Variants in SLIT2 observed in about 807,000 individuals in gnomAD.
SLIT2 encodes slit guidance ligand 2, also known as slit homolog 2 protein.
Under a neutral mutation model 185.7 loss-of-function variants are expected in SLIT2, and 41 were observed. The observed-to-expected ratio is 0.22, with a 90% CI of 0.17 to 0.29. SLIT2 has a LOEUF of 0.29. SLIT2 is among the 10% of genes least tolerant of loss of function. SLIT2 has a pLI of 1.00. For synonymous variants in SLIT2, 693 were observed against 680.2 expected, an observed-to-expected ratio of 1.02 and a Z score of -0.29; for missense variants, 1,571 against 1,909.0, an observed-to-expected ratio of 0.82 and a Z score of 3.30.
intron 4 of SLIT2, among the ~76,000 whole-genome samples, chr4:20,452,272 A>ATACTTGTT (rs1335192220): frequency 6.6e-6 from 1 of 152,174 alleles, no homozygotes; most frequent in Non-Finnish European, 1.5e-5. Flanking sequence ...GCATCTCCCT[A>ATACTTGTT]TACTTGTTAA....
rs369113541 is a variant in SLIT2, at chr4:20,253,784, A to T, written c.-32A>T. On this transcript the variant is annotated 5_prime_UTR_variant, in exon 1 of 37. Transcript: ENST00000504154. The stretch of plus-strand genomic sequence containing the variant: ...GAGCAGCAAGCTAAAGAAAGCCCCC[A>T]GTGCCGGCGAGGAAGGAGGCGGCGG... The T allele has an allele frequency of 6.3e-7, 1 of 1,594,422 alleles. No individual in the cohort carries two copies. Among genetic ancestry groups the T allele is most frequent in the Non-Finnish European group, 8.5e-7 (1 of 1,177,210 alleles).
intron 4 of SLIT2, among the ~76,000 whole-genome samples, chr4:20,321,569 G>A (rs1156825629): frequency 1.3e-5 from 2 of 152,202 alleles, no homozygotes; most frequent in African/African-American, 4.8e-5. Context: ...CAATGAGGCT[G>A]CAGAAATGAG....
intron 4 of SLIT2, among the ~76,000 whole-genome samples, chr4:20,315,455 G>A (rs1718493385): frequency 6.6e-6 from 1 of 152,082 alleles, no homozygotes; most frequent in African/African-American, 2.4e-5. Context: ...TGATGTGCTT[G>A]TTATAATCCA....
chr4:20,494,932 A>C (rs1288597858), intron 9 of SLIT2, among the ~76,000 whole-genome samples: 3 of 152,170 alleles, frequency 2.0e-5, no homozygotes, highest in Non-Finnish European at 4.4e-5. Flanking sequence ...AGAGTAAGAG[A>C]GGAGAAGCTC....
At position 20,528,914 on chromosome 4, in the gene SLIT2, C is replaced by T. The variant is rs962153327; in HGVS notation, c.1463-35C>T. 6.4e-7 allele frequency: 1 copy of T among 1,562,534 alleles called. No homozygotes were observed. The highest frequency in any genetic ancestry group is 1.7e-4 in the Middle Eastern group (1 of 5,888). Reference sequence around the variant, plus strand: ...ACTAATAAATTTTCTAACCTTTAGACTCAGTATCTTTTTTTTGGTTTGAAT... The same window carrying T: ...ACTAATAAATTTTCTAACCTTTAGATTCAGTATCTTTTTTTTGGTTTGAAT... On this transcript the variant is annotated intron_variant, in intron 15 of 36. Coordinates refer to ENST00000504154, the MANE Select transcript of SLIT2 (RefSeq NM_004787.4). This position sits in a 1 kb window ranked among gnomAD's most constrained non-coding sequence, Gnocchi z 4.2.
At chr4:20,466,448 T>G (rs1389562620) in intron 4 of SLIT2, among the ~76,000 whole-genome samples, 2 of 152,224 alleles carry the variant, frequency 1.3e-5, no homozygotes, top group Non-Finnish European at 2.9e-5. Context: ...AAATAATTTG[T>G]TGTGCTACAG....
Position 20,524,017 on chromosome 4 carries a change from T to C in SLIT2, c.1278T>C (p.His426=), listed in dbSNP as rs1721066928. ...TGTTCTGTATGTGTTTCCAAAGGCA[T>C]TTGGCCCAGAACCCCTTTATTTGTG... ...FSPLRAIQTM[H]LAQNPFICDC... Residue 426 remains histidine, a synonymous_variant, in exon 14 of 37, where the codon CAT becomes CAC. Coordinates refer to ENST00000504154, the MANE Select transcript of SLIT2 (RefSeq NM_004787.4). The C allele has an allele frequency of 6.2e-7, 1 of 1,614,188 alleles. No homozygotes were observed. The highest frequency in any genetic ancestry group is 2.2e-5 in the East Asian group (1 of 44,878).
At chr4:20,255,890 G>GC (rs1264195685) in intron 1 of SLIT2, among the ~76,000 whole-genome samples, 2 of 152,186 alleles carry the variant, frequency 1.3e-5, no homozygotes, top group Non-Finnish European at 2.9e-5. Context: ...TCAAACCGCA[G>GC]CAAAGCCTGG....
intron 4 of SLIT2, among the ~76,000 whole-genome samples, chr4:20,346,811 G>A (rs1040867744): frequency 3.9e-5 from 6 of 152,154 alleles, no homozygotes; most frequent in African/African-American, 7.2e-5. Flanking sequence ...TCTGATATTC[G>A]AGGGCAGGAA....
At chr4:20,610,965 A>G (rs1729168861) in intron 34 of SLIT2, among the ~76,000 whole-genome samples, 1 of 152,178 alleles carries the variant, frequency 6.6e-6, no homozygotes, top group African/African-American at 2.4e-5. Context: ...AGAGGTCCCA[A>G]TCTTGCCTCT....
In SLIT2 at chr4:20,431,004, T is replaced by A. The variant is rs537891570; in HGVS notation, c.396-36748T>A. ...TAACAGACTGTTTGGTTGCTAAAGA[T>A]GGCGACAGATCAAAATAGAAGCACT... On this transcript the variant is annotated intron_variant, in intron 4 of 36. Coordinates refer to ENST00000504154, the MANE Select transcript of SLIT2 (RefSeq NM_004787.4). Among the ~76,000 whole-genome samples, 3 of 152,320 alleles carry A rather than the reference T, an allele frequency of 2.0e-5. No homozygotes were observed. The South Asian group carries it at 6.2e-4, about 32-fold the overall frequency.
At chr4:20,417,426 A>ATGTG (rs10642843) in intron 4 of SLIT2, among the ~76,000 whole-genome samples, 11 of 131,188 alleles carry the variant, frequency 8.4e-5, no homozygotes, top group Admixed American at 3.3e-4. Context: ...TCATATATAT[A>ATGTG]TGTGTGTGTG....
intron 4 of SLIT2, among the ~76,000 whole-genome samples, chr4:20,370,802 A>G (rs1020917050): frequency 6.6e-6 from 1 of 152,122 alleles, no homozygotes; most frequent in Non-Finnish European, 1.5e-5. Flanking sequence ...TTCTAGCTAT[A>G]CATTTTCCTG....
chr4:20,439,072 C>T (rs954984100), intron 4 of SLIT2, among the ~76,000 whole-genome samples: 4 of 152,194 alleles, frequency 2.6e-5, no homozygotes, highest in Admixed American at 6.5e-5. Context: ...TAGAGCAGGG[C>T]GTTGCACATG....
intron 4 of SLIT2, among the ~76,000 whole-genome samples, chr4:20,319,520 T>A (rs565365206): frequency 7.2e-5 from 11 of 152,216 alleles, no homozygotes; most frequent in South Asian, 6.2e-4. Context: ...TTGAAAAAAA[T>A]GGCAGTGTAA....
intron 29 of SLIT2, among the ~76,000 whole-genome samples, chr4:20,577,389 A>C (rs1484547775): frequency 6.6e-6 from 1 of 152,132 alleles, no homozygotes; most frequent in Non-Finnish European, 1.5e-5. Flanking sequence ...ATTTTCTTGA[A>C]CCTTCCTATT....
At chr4:20,596,721 TGTG>T in intron 32 of SLIT2, 66 bp downstream of exon 32, 4 of 1,487,272 alleles carry the variant, frequency 2.7e-6, no homozygotes, top group Non-Finnish European at 3.6e-6. Flanking sequence ...AATAAACATT[TGTG>T]GTAGCTTCTG....
intron 5 of SLIT2, among the ~76,000 whole-genome samples, chr4:20,472,554 A>ATCGATATATATAGATATATC (rs1276917606): frequency 1.5e-4 from 2 of 13,176 alleles, no homozygotes; most frequent in African/African-American, 1.1e-3. Context: ...ATCTATATAT[A>ATCGATATATATAGATATATC]GATATATATC....
intron 9 of SLIT2, among the ~76,000 whole-genome samples, chr4:20,501,897 A>G (rs1718767350): frequency 6.6e-6 from 1 of 152,198 alleles, no homozygotes; most frequent in African/African-American, 2.4e-5. Context: ...AAAAGGCTTC[A>G]TATATCCACT....
Sources: allele counts gnomAD v4.1 joint callset (sites outside exome capture counted in the v4.1 genomes callset), GRCh38; gene constraint gnomAD v4.1.1; non-coding constraint Gnocchi (gnomAD v3.1); transcripts MANE v1.5; gene names NCBI Gene and HGNC (gene_info 2026-07-23, HGNC 2026-07-21).